Variants in PXK observed in about 807,000 individuals in gnomAD.
PXK encodes the protein PX domain-containing protein kinase-like protein.
A neutral mutation model predicts 84.7 loss-of-function variants in PXK; 35 were observed. The ratio of observed to expected loss-of-function variants is 0.41; its 90% CI spans 0.32 to 0.55. The LOEUF is 0.55. Ranked by LOEUF, PXK falls within the 20% of genes least tolerant of loss-of-function variation. The probability of loss-of-function intolerance (pLI) is 0.21; values close to 1 mark genes in which losing one functional copy is unlikely to be tolerated. For missense variants in PXK, 634 were observed against 699.7 expected, an observed-to-expected ratio of 0.91 and a Z score of 1.06; for synonymous variants, 253 against 260.8, an observed-to-expected ratio of 0.97 and a Z score of 0.29.
intron 1 of PXK, among the ~76,000 whole-genome samples, chr3:58,339,004 T>A (rs1176131034): frequency 6.6e-6 from 1 of 152,082 alleles, no homozygotes; most frequent in Non-Finnish European, 1.5e-5. Flanking sequence ...CTTCCACACA[T>A]TATAATAAAA....
In PXK at chr3:58,369,632, C is replaced by A. The variant is rs913014684; in HGVS notation, c.201+154C>A. On this transcript the variant is annotated intron_variant, in intron 3 of 17. Transcript: ENST00000356151. ...CCTGAGGTCAGGCGTTCAAGACCAC[C>A]TGACCAACATGGAGAAACCCCATCT... is the stretch of plus-strand genomic sequence containing the variant. Among the ~76,000 whole-genome samples the A allele has an allele frequency of 3.9e-5, 6 of 152,122 alleles. 1 individual carries two copies. The highest frequency in any genetic ancestry group is 3.3e-4 in the Admixed American group (5 of 15,272).
chr3:58,346,212 C>T (rs529568265), intron 1 of PXK, among the ~76,000 whole-genome samples: 2 of 152,044 alleles, frequency 1.3e-5, no homozygotes, highest in Non-Finnish European at 2.9e-5. Context: ...GCTAAGGAAT[C>T]TGAACAACAG....
At chr3:58,353,330 C>A (rs1359870247) in intron 1 of PXK, among the ~76,000 whole-genome samples, 3 of 152,126 alleles carry the variant, frequency 2.0e-5, no homozygotes, top group Admixed American at 1.3e-4. Flanking sequence ...AAATTTATTT[C>A]ATGTGGCTGA....
At chr3:58,396,170 T>C (rs1416655639) in intron 9 of PXK, among the ~76,000 whole-genome samples, 2 of 152,204 alleles carry the variant, frequency 1.3e-5, no homozygotes, top group East Asian at 3.8e-4. Context: ...TCCAAGCTTC[T>C]GGGATTATGC....
At chr3:58,408,840 C>T (rs1361097366) in intron 13 of PXK, 84 bp from the exon 14 acceptor site, 2 of 1,078,304 alleles carry the variant, frequency 1.9e-6, no homozygotes, top group Non-Finnish European at 1.4e-6. Context: ...TCTTGATAAC[C>T]ACCTGCTCCT....
intron 1 of PXK, among the ~76,000 whole-genome samples, chr3:58,339,626 C>T (rs1302584893): frequency 6.6e-6 from 1 of 151,994 alleles, no homozygotes; most frequent in Non-Finnish European, 1.5e-5. Context: ...AAAGATTTCT[C>T]GTAATAAGAA....
chr3:58,381,555 CA>C (rs34125797), intron 3 of PXK, among the ~76,000 whole-genome samples: 27 of 120,906 alleles, frequency 2.2e-4, no homozygotes, highest in Admixed American at 4.7e-4. Context: ...AATAGAAAAC[CA>C]AAAAAAAAAA....
In PXK at chr3:58,333,718, T is replaced by G. The variant is rs1196601999; in HGVS notation, c.102+628T>G. The G allele has an allele frequency of 6.7e-6, 3 of 446,304 alleles. No individual in the cohort carries two copies. The highest frequency in any genetic ancestry group is 1.4e-5 in the Non-Finnish European group (3 of 221,252). 27.6% of individuals were successfully genotyped at this position (446,304 alleles called of 1,614,324 possible). A position where few individuals can be genotyped will look rare whatever the true frequency, so the allele number is the denominator to read the frequency against. ...TGAATGTGCTTCTCTAACTTGCTCT[T>G]TAGTGGGCAGTGGTAGCATTCATTT... On this transcript the variant is annotated intron_variant, in intron 1 of 17. Coordinates refer to ENST00000356151, the MANE Select transcript of PXK (RefSeq NM_017771.5). This position sits in a 1 kb window ranked among gnomAD's most constrained non-coding sequence, Gnocchi z 5.4.
rs143277925 is a variant in PXK, at chr3:58,403,931, T to C, written c.1230+21T>C. On this transcript the variant is annotated intron_variant, in intron 13 of 17. Coordinates refer to ENST00000356151, the MANE Select transcript of PXK (RefSeq NM_017771.5). ...TTAAGGTAAAGACAATTATATCGTT[T>C]TTTGGTTTGTGACATAACTAAGTTG... 4.9e-4 allele frequency: 716 copies of C among 1,467,680 alleles called. 3 individuals are homozygous for C. The African/African-American group carries it at 8.9e-3, about 18-fold the overall frequency. 90.9% of individuals were successfully genotyped at this position (1,467,680 alleles called of 1,614,324 possible).
chr3:58,382,353 A>C (rs1177064127), intron 3 of PXK, among the ~76,000 whole-genome samples, 161 bp from the exon 4 acceptor site: 4 of 152,190 alleles, frequency 2.6e-5, no homozygotes, highest in Non-Finnish European at 1.5e-5. Flanking sequence ...GTATTTTATC[A>C]ATTCTAAATG....
intron 1 of PXK, among the ~76,000 whole-genome samples, chr3:58,340,843 C>T (rs1409029473): frequency 1.3e-5 from 2 of 151,956 alleles, no homozygotes; most frequent in African/African-American, 2.4e-5. Flanking sequence ...TTTGGGGTAG[C>T]GTCATAGGAA....
intron 1 of PXK, among the ~76,000 whole-genome samples, chr3:58,361,485 C>T (rs2098186640): frequency 6.6e-6 from 1 of 152,090 alleles, no homozygotes; most frequent in Admixed American, 6.6e-5. Flanking sequence ...AGCTACACTG[C>T]TTCCCTCTGA....
rs766198286 is a variant in PXK at position 58,403,848 on chromosome 3, T to A, written c.1182-14T>A. Reference sequence around the variant, plus strand: ...GGTTCAAGAAAGATTTTTGTTTGTTTCTTTTCTTTACAGATTATTCAGCGA... The same window carrying A: ...GGTTCAAGAAAGATTTTTGTTTGTTACTTTTCTTTACAGATTATTCAGCGA... On this transcript the variant is annotated splice_polypyrimidine_tract_variant and intron_variant, in intron 12 of 17. Transcript: ENST00000356151. The A allele has an allele frequency of 6.6e-7, 1 of 1,523,340 alleles. No homozygotes were observed. Among genetic ancestry groups the A allele is most frequent in the Non-Finnish European group, 8.9e-7 (1 of 1,122,046 alleles). 94.4% of individuals were successfully genotyped at this position (1,523,340 alleles called of 1,614,324 possible). A position where few individuals can be genotyped will look rare whatever the true frequency, so the allele number is the denominator to read the frequency against.
At chr3:58,384,053 T>G (rs1446553984) in intron 4 of PXK, among the ~76,000 whole-genome samples, 1 of 152,214 alleles carries the variant, frequency 6.6e-6, no homozygotes, top group Non-Finnish European at 1.5e-5. Context: ...CCAGGCTGCG[T>G]GCATGCTGAT....
Position 58,421,320 on chromosome 3 carries a change from A to G in PXK, c.1529-3432A>G, listed in dbSNP as rs576742834. ...AAGGGAGCCAGGCGCAGTGGCTCAC[A>G]TCTATAATCTCAGCACTTTGGGAGG... On this transcript the variant is annotated intron_variant, in intron 17 of 17. Coordinates refer to ENST00000356151, the MANE Select transcript of PXK (RefSeq NM_017771.5). This position sits in a 1 kb window ranked among gnomAD's most constrained non-coding sequence, Gnocchi z 5.5. 4.1e-6 allele frequency: 4 copies of G among 984,716 alleles called. No homozygotes were observed. In the South Asian group the frequency reaches 1.9e-4, roughly 46 times the overall value. The allele number at this position is 984,716 out of a possible 1,614,324, so 61.0% of individuals were successfully genotyped here.
At chr3:58,353,296 C>A (rs1485144787) in intron 1 of PXK, among the ~76,000 whole-genome samples, 1 of 152,124 alleles carries the variant, frequency 6.6e-6, no homozygotes, top group African/African-American at 2.4e-5. Context: ...TGTGCCCGGT[C>A]TCTATGAATT....
intron 1 of PXK, among the ~76,000 whole-genome samples, chr3:58,354,452 T>G (rs1411807900): frequency 2.0e-5 from 3 of 151,354 alleles, no homozygotes; most frequent in Non-Finnish European, 3.0e-5. Context: ...TTCCTAGTTT[T>G]TTTTTTTTTT....
chr3:58,389,063 A>G (rs866686590), intron 4 of PXK, among the ~76,000 whole-genome samples: 4 of 152,120 alleles, frequency 2.6e-5, no homozygotes, highest in South Asian at 2.1e-4. Flanking sequence ...AAGCACAGCT[A>G]TTTTCATAAT....
chr3:58,397,739 G>A lies in PXK; in HGVS notation c.1102+17G>A, dbSNP rs780256083. 2 of 1,591,688 alleles carry A rather than the reference G, an allele frequency of 1.3e-6. No individual in the cohort carries two copies. The highest frequency in any genetic ancestry group is 2.7e-5 in the African/African-American group (2 of 74,404). ...TGGCTGTGGGTCAGTATGGGGTTGG[G>A]AAGGGTCTTCTGGGCCCTAGTAGTG... On this transcript the variant is annotated intron_variant, in intron 11 of 17. Coordinates refer to ENST00000356151, the MANE Select transcript of PXK (RefSeq NM_017771.5). This position sits in a 1 kb window ranked among gnomAD's most constrained non-coding sequence, Gnocchi z 4.7.
Sources: gnomAD v4.1 joint callset for allele counts (sites outside exome capture counted in the v4.1 genomes callset) on GRCh38, gnomAD v4.1.1 for gene constraint, Gnocchi (gnomAD v3.1) non-coding constraint, MANE v1.5 for transcripts, NCBI Gene and HGNC (gene_info 2026-07-23, HGNC 2026-07-21) for gene names.